The following GSTA3 variants were observed in gnomAD, a reference collection of about 807,000 sequenced individuals.
The protein encoded by GSTA3 is glutathione S-transferase A3.
A neutral mutation model predicts 23.1 loss-of-function variants in GSTA3; 16 were observed. The observed-to-expected ratio is 0.69, with a 90% CI of 0.47 to 1.05. GSTA3 has a LOEUF of 1.05. Ranked by LOEUF, GSTA3 falls within the 50% of genes least tolerant of loss-of-function variation. GSTA3 has a pLI of 0.00. For missense variants in GSTA3, 319 were observed against 263.6 expected, an observed-to-expected ratio of 1.21 and a Z score of -1.46; for synonymous variants, 122 against 91.0, an observed-to-expected ratio of 1.34 and a Z score of -1.94.
intron 2 of GSTA3, among the ~76,000 whole-genome samples, chr6:52,905,540 C>T (rs141707896): frequency 6.6e-6 from 1 of 151,816 alleles, no homozygotes; most frequent in Non-Finnish European, 1.5e-5. Context: ...TTTAATTGTT[C>T]ATGTGTTCTT....
chr6:52,899,546 A>G (rs927109924), intron 5 of GSTA3, among the ~76,000 whole-genome samples: 8 of 152,198 alleles, frequency 5.3e-5, no homozygotes, highest in African/African-American at 1.7e-4. Context: ...CTTCCTACAC[A>G]TGGTGCCAGA....
chr6:52,907,835 G>C (rs965183926), intron 1 of GSTA3, among the ~76,000 whole-genome samples: 2 of 95,682 alleles, frequency 2.1e-5, no homozygotes, highest in Non-Finnish European at 4.2e-5. Flanking sequence ...GGGGTGGGGG[G>C]AGGGGGGAGG....
chr6:52,907,239 C>T (rs1765920034), intron 1 of GSTA3, among the ~76,000 whole-genome samples: 1 of 113,624 alleles, frequency 8.8e-6, no homozygotes, highest in Non-Finnish European at 1.7e-5. Flanking sequence ...CCATCACTGG[C>T]CATCAGAGAA....
At chr6:52,907,396 A>C (rs1765926702) in intron 1 of GSTA3, among the ~76,000 whole-genome samples, 1 of 144,996 alleles carries the variant, frequency 6.9e-6, no homozygotes, top group Non-Finnish European at 1.5e-5. Context: ...TAGTTCAACC[A>C]TTGTGGAAGT....
intron 5 of GSTA3, among the ~76,000 whole-genome samples, 176 bp downstream of exon 5, chr6:52,899,758 T>C (rs893363311): frequency 6.6e-6 from 1 of 152,234 alleles, no homozygotes; most frequent in Admixed American, 6.5e-5. Flanking sequence ...TGGGGATAAG[T>C]GGTATCACTG....
intron 2 of GSTA3, among the ~76,000 whole-genome samples, chr6:52,904,517 T>C (rs556963517): frequency 3.3e-5 from 5 of 152,284 alleles, no homozygotes; most frequent in East Asian, 1.9e-4. Flanking sequence ...TCGTGAAGCA[T>C]TGGAGAAAGT....
At chr6:52,906,476 A>G (rs1166076000) in intron 1 of GSTA3, among the ~76,000 whole-genome samples, 12 of 152,230 alleles carry the variant, frequency 7.9e-5, no homozygotes, top group Non-Finnish European at 2.9e-5. Flanking sequence ...TAAAGTTCAT[A>G]TGGAACAAAA....
At chr6:52,907,204 C>A (rs1202766192) in intron 1 of GSTA3, among the ~76,000 whole-genome samples, 1 of 113,436 alleles carries the variant, frequency 8.8e-6, no homozygotes, top group Non-Finnish European at 1.7e-5. Context: ...CCATTAAGAG[C>A]ATTTATGACA....
intron 2 of GSTA3, 28 bp downstream of exon 2, chr6:52,905,720 A>C (rs1034287262): frequency 8.3e-6 from 11 of 1,322,612 alleles, no homozygotes; most frequent in Non-Finnish European, 8.7e-6. Flanking sequence ...ATTAGGTCCA[A>C]CTTAAGATGA....
In GSTA3 at chr6:52,902,207, C is replaced by A. The variant is rs1765710017; in HGVS notation, c.272+139G>T. Reference sequence around the variant, plus strand: ...GTTTCCTCATCCCCATGGGACTCTGCAATACTGGACCTCAGTATACACGCC... The same window carrying A: ...GTTTCCTCATCCCCATGGGACTCTGAAATACTGGACCTCAGTATACACGCC... On this transcript the variant is annotated intron_variant, in intron 4 of 6. Coordinates refer to ENST00000211122, the MANE Select transcript of GSTA3 (RefSeq NM_000847.5). 3 of 955,168 alleles carry A rather than the reference C, an allele frequency of 3.1e-6. No homozygotes were observed. The East Asian group carries it at 7.2e-5, about 23-fold the overall frequency. The allele number at this position is 955,168 out of a possible 1,614,324, so 59.2% of individuals were successfully genotyped here.
chr6:52,907,773 A>G (rs1476572545), intron 1 of GSTA3, among the ~76,000 whole-genome samples: 3 of 140,368 alleles, frequency 2.1e-5, no homozygotes, highest in East Asian at 2.1e-4. Context: ...GAATTGAACA[A>G]TGAGAACACT....
intron 3 of GSTA3, 29 bp from the exon 4 acceptor site, chr6:52,902,507 T>A: frequency 1.9e-6 from 3 of 1,591,926 alleles, no homozygotes; most frequent in Non-Finnish European, 2.6e-6. Flanking sequence ...AAAAGGAACA[T>A]GAAATTTCTA....
rs774385743 is a variant in GSTA3 at position 52,900,026 on chromosome 6, GA to G, written c.321del (p.Leu108PhefsTer16). 1.2e-6 allele frequency: 2 copies of G among 1,612,770 alleles called. No individual in the cohort carries two copies. Among genetic ancestry groups the G allele is most frequent in the South Asian group, 2.2e-5 (2 of 91,010 alleles). ...EGMADLNEMI[L>X]LLPLCRPEEK... ...TCCTCAGGTCGACATAAGGGCAGAAGAAGGATCATTTCATTCAAATCTGCCA... is the reference window on the plus strand; with the variant it reads ...TCCTCAGGTCGACATAAGGGCAGAAGAGGATCATTTCATTCAAATCTGCCA... On this transcript the variant is annotated frameshift_variant, in exon 5 of 7. Transcript: ENST00000211122. LOFTEE classifies it high-confidence loss of function.
chr6:52,905,917 C>T (rs1050983907), intron 1 of GSTA3, 62 bp from the exon 2 acceptor site: 28 of 748,796 alleles, frequency 3.7e-5, no homozygotes, highest in Admixed American at 2.2e-4. Context: ...GCAAAATGCA[C>T]GCTAGTATAT....
At position 52,903,719 on chromosome 6, in the gene GSTA3, C is replaced by A. The variant is rs186026850; in HGVS notation, c.96G>T (p.Glu32Asp). ...LLAAAGVEFE[E>D]KFIGSAEDLG... is the part of the protein sequence containing the mutation. ...AATCTTCTGCAGATCCTATAAATTT[C>A]TCTTCAAACTGGAAGCAGAAACAGT... The change falls in exon 3 of 7, where the codon GAG (glutamate) becomes GAT (aspartate). Residue 32 changes from glutamate to aspartate, a missense_variant. Glu to Asp is a conservative substitution (Grantham distance 45, BLOSUM62 2). Transcript: ENST00000211122. The A allele has an allele frequency of 1.1e-5, 18 of 1,588,798 alleles. No homozygotes were observed. The East Asian group carries it at 2.9e-4, about 26-fold the overall frequency.
In GSTA3 at chr6:52,896,849, T is replaced by C; in HGVS notation, c.626A>G (p.Asp209Gly). The change falls in exon 7 of 7, where the codon GAT (aspartate) becomes GGT (glycine). Residue 209 changes from aspartate (D) to glycine (G), a missense_variant. Asp to Gly is a moderately conservative substitution (Grantham distance 94). Coordinates refer to ENST00000211122, the MANE Select transcript of GSTA3 (RefSeq NM_000847.5). ...TCTGGCTTCTTCTAAAGCTTTTGCA[T>C]CTGCGGGAGGCTTCCTTGGGCTGCC... ...QPGSPRKPPA[D>G]AKALEEARKI... is the part of the protein sequence containing the mutation. 6.2e-7 allele frequency: 1 copy of C among 1,614,142 alleles called. No individual in the cohort carries two copies. The highest frequency in any genetic ancestry group is 1.1e-5 in the South Asian group (1 of 91,076).
intron 4 of GSTA3, among the ~76,000 whole-genome samples, chr6:52,901,528 G>C (rs1281993802): frequency 1.3e-5 from 2 of 152,176 alleles, no homozygotes; most frequent in Non-Finnish European, 2.9e-5. Flanking sequence ...TTTATTGGTT[G>C]ATGGATATTT....
intron 4 of GSTA3, among the ~76,000 whole-genome samples, chr6:52,900,390 G>A (rs1258781090): frequency 6.6e-6 from 1 of 151,426 alleles, no homozygotes; most frequent in Non-Finnish European, 1.5e-5. Flanking sequence ...AGCCTCCAGA[G>A]TAGCTGGGAT....
Position 52,905,853 on chromosome 6 carries a change from T to C in GSTA3, c.-19A>G, listed in dbSNP as rs779395374. ...CTGCCATGGTAACAGTCTCTTGGTTTCTCTAAAATGAATGAATGAATGCAT... is the reference window on the plus strand; with the variant it reads ...CTGCCATGGTAACAGTCTCTTGGTTCCTCTAAAATGAATGAATGAATGCAT... On this transcript the variant is annotated splice_region_variant and 5_prime_UTR_variant, in exon 2 of 7. Coordinates refer to ENST00000211122, the MANE Select transcript of GSTA3 (RefSeq NM_000847.5). 18 of 1,480,922 alleles carry C rather than the reference T, an allele frequency of 1.2e-5. No homozygotes were observed. The East Asian group carries it at 4.1e-4, about 34-fold the overall frequency. 91.7% of individuals were successfully genotyped at this position (1,480,922 alleles called of 1,614,324 possible). A position where few individuals can be genotyped will look rare whatever the true frequency, so the allele number is the denominator to read the frequency against.
Sources: allele counts gnomAD v4.1 joint callset (sites outside exome capture counted in the v4.1 genomes callset), GRCh38; gene constraint gnomAD v4.1.1; transcripts MANE v1.5; gene names NCBI Gene and HGNC (gene_info 2026-07-23, HGNC 2026-07-21).